The following ABCB4 variants were observed in gnomAD, a reference collection of about 807,000 sequenced individuals.
ABCB4 encodes phosphatidylcholine translocator ABCB4.
Under a neutral mutation model 145.7 loss-of-function variants are expected in ABCB4, and 76 were observed. The observed-to-expected ratio is 0.52, with a 90% CI of 0.43 to 0.63. The LOEUF is 0.63. Ranked by LOEUF, ABCB4 falls within the 30% of genes least tolerant of loss-of-function variation. The pLI, the probability that ABCB4 is intolerant of heterozygous loss-of-function variation, is 0.00. For synonymous variants in ABCB4, 517 were observed against 566.8 expected, an observed-to-expected ratio of 0.91 and a Z score of 1.25; for missense variants, 1,234 against 1,553.1, an observed-to-expected ratio of 0.79 and a Z score of 3.45.
At chr7:87,378,623 C>A in the ABCB4 span, among the ~76,000 whole-genome samples, 1 of 152,170 alleles carries the variant, frequency 6.6e-6, no homozygotes, top group African/African-American at 2.4e-5. Context: ...TCTTCATAGA[C>A]TCCCAAAGGA....
the ABCB4 span, among the ~76,000 whole-genome samples, chr7:87,377,059 C>A: frequency 6.6e-6 from 1 of 152,098 alleles, no homozygotes; most frequent in African/African-American, 2.4e-5. Flanking sequence ...AAACCCTTAT[C>A]CTCTCAATTC....
the ABCB4 span, among the ~76,000 whole-genome samples, chr7:87,374,691 G>C: frequency 6.6e-6 from 1 of 151,916 alleles, no homozygotes; most frequent in African/African-American, 2.4e-5. Context: ...AATAACAAGG[G>C]GGGAATTTTT....
chr7:87,379,663 A>G, the ABCB4 span, among the ~76,000 whole-genome samples: 1,900 of 152,346 alleles, frequency 0.012, 38 homozygotes, highest in African/African-American at 0.042. Flanking sequence ...GTGTGCGGAC[A>G]TGTTTTATGT....
intron 3 of ABCB4, among the ~76,000 whole-genome samples, chr7:87,468,457 A>G (rs1465504011): frequency 1.3e-5 from 2 of 152,218 alleles, no homozygotes; most frequent in African/African-American, 4.8e-5. Flanking sequence ...CCAGAGGTAC[A>G]AGGAGGAACT....
chr7:87,371,307 A>C, the ABCB4 span, among the ~76,000 whole-genome samples: 1 of 152,198 alleles, frequency 6.6e-6, no homozygotes, highest in Non-Finnish European at 1.5e-5. Context: ...TTATTTTTAT[A>C]GTTAGCTTCT....
rs750742376 is a variant in ABCB4 at position 87,422,110 on chromosome 7, T to G, written c.2316+11A>C. Reference sequence around the variant, plus strand: ...TAAACTTGATGAGAAAGGCAAATCATGGGTACCTACCTGAAGGAAGAAAGT... The same window carrying G: ...TAAACTTGATGAGAAAGGCAAATCAGGGGTACCTACCTGAAGGAAGAAAGT... On this transcript the variant is annotated intron_variant, in intron 18 of 27. Coordinates refer to ENST00000649586, the MANE Select transcript of ABCB4 (RefSeq NM_000443.4). The G allele has an allele frequency of 6.4e-7, 1 of 1,564,190 alleles. No individual in the cohort carries two copies. The highest frequency in any genetic ancestry group is 8.8e-7 in the Non-Finnish European group (1 of 1,137,836).
chr7:87,398,146 A>G (rs1225673507), downstream of ABCB4, among the ~76,000 whole-genome samples: 1 of 151,168 alleles, frequency 6.6e-6, no homozygotes, highest in Non-Finnish European at 1.5e-5. Flanking sequence ...CTTTAAAAAC[A>G]GTTTAAATTT....
intron 14 of ABCB4, among the ~76,000 whole-genome samples, chr7:87,435,856 T>G (rs45526731): frequency 0.015 from 2,206 of 152,064 alleles, 51 homozygotes; most frequent in African/African-American, 0.05. Context: ...TGGGATTGAG[T>G]GGTAGGTGGT....
At chr7:87,434,672 C>T (rs1010168844) in intron 14 of ABCB4, among the ~76,000 whole-genome samples, 3 of 152,074 alleles carry the variant, frequency 2.0e-5, no homozygotes, top group African/African-American at 4.8e-5. Flanking sequence ...TGCCTGAACC[C>T]GGGAAGCGGA....
chr7:87,390,253 G>C, the ABCB4 span, among the ~76,000 whole-genome samples: 2 of 152,094 alleles, frequency 1.3e-5, no homozygotes, highest in Non-Finnish European at 2.9e-5. Context: ...CATCTTTTAA[G>C]ATTAAGAGTG....
At chr7:87,471,193 C>T (rs1253274542) in intron 3 of ABCB4, among the ~76,000 whole-genome samples, 2 of 148,370 alleles carry the variant, frequency 1.3e-5, no homozygotes, top group African/African-American at 2.5e-5. Context: ...GGAAGGGGAA[C>T]ATCACACACC....
At chr7:87,419,218 A>G (rs1809219824) in intron 19 of ABCB4, among the ~76,000 whole-genome samples, 1 of 152,212 alleles carries the variant, frequency 6.6e-6, no homozygotes, top group Non-Finnish European at 1.5e-5. Flanking sequence ...CTGCATAGCA[A>G]GAGTTTAGGA....
At position 87,414,218 on chromosome 7, in the gene ABCB4, T is replaced by C. The variant is rs886372943; in HGVS notation, c.2683-501A>G. On this transcript the variant is annotated intron_variant, in intron 21 of 27. Coordinates refer to ENST00000649586, the MANE Select transcript of ABCB4 (RefSeq NM_000443.4). ...CCAATTGTCAACAACATGAGCATGC[T>C]TTAAATCCGTGATTAAATCAGAGTC... is the stretch of plus-strand genomic sequence containing the variant. Among the ~76,000 whole-genome samples, 7 of 152,250 alleles carry C rather than the reference T, an allele frequency of 4.6e-5. No homozygotes were observed. In the South Asian group the frequency reaches 8.3e-4, roughly 18 times the overall value.
At chr7:87,394,235 A>G in the ABCB4 span, among the ~76,000 whole-genome samples, 2 of 152,228 alleles carry the variant, frequency 1.3e-5, no homozygotes, top group Non-Finnish European at 2.9e-5. Flanking sequence ...AAAGAGTTGC[A>G]AGTATCTCCT....
At chr7:87,391,719 ATTGG>A in the ABCB4 span, 1 of 1,600,192 alleles carries the variant, frequency 6.2e-7, no homozygotes, top group African/African-American at 1.4e-5. Flanking sequence ...CAATGTGAGT[ATTGG>A]AAAGGAAAAA....
chr7:87,377,641 A>G, the ABCB4 span, among the ~76,000 whole-genome samples: 2 of 152,180 alleles, frequency 1.3e-5, no homozygotes, highest in African/African-American at 4.8e-5. Context: ...AGTAAGGCCA[A>G]CAGTTTGTTG....
chr7:87,475,299 A>G, intron 2 of ABCB4, 87 bp downstream of exon 2: 1 of 1,535,988 alleles, frequency 6.5e-7, no homozygotes, highest in Non-Finnish European at 9.0e-7. Flanking sequence ...AAAGGCATCA[A>G]CCGATTTTTA....
intron 26 of ABCB4, among the ~76,000 whole-genome samples, chr7:87,404,107 A>G (rs1808006161): frequency 6.6e-6 from 1 of 152,216 alleles, no homozygotes. Context: ...TCACAGTCAA[A>G]TCCAATATTT....
intron 14 of ABCB4, among the ~76,000 whole-genome samples, chr7:87,434,988 A>G (rs1341781373): frequency 6.6e-6 from 1 of 152,212 alleles, no homozygotes; most frequent in Non-Finnish European, 1.5e-5. Context: ...GGCCTGATCA[A>G]TGTATAAAGG....
Sources: gnomAD v4.1 joint callset for allele counts (sites outside exome capture counted in the v4.1 genomes callset) on GRCh38, gnomAD v4.1.1 for gene constraint, MANE v1.5 for transcripts, NCBI Gene and HGNC (gene_info 2026-07-23, HGNC 2026-07-21) for gene names.